ZFP64: variants seen among roughly 807,000 people sequenced by gnomAD.
ZFP64 encodes ZFP64 zinc finger protein, also known as zinc finger protein 64.
A neutral mutation model predicts 51.6 loss-of-function variants in ZFP64; 14 were observed. That is an observed-to-expected ratio of 0.27 (90% CI 0.18 to 0.42). The LOEUF is 0.42. Ranked by LOEUF, ZFP64 falls within the 10% of genes least tolerant of loss-of-function variation. ZFP64 has a pLI of 1.00. For missense variants in ZFP64, 754 were observed against 906.8 expected, an observed-to-expected ratio of 0.83 and a Z score of 2.16; for synonymous variants, 375 against 361.4, an observed-to-expected ratio of 1.04 and a Z score of -0.43.
intron 5 of ZFP64, among the ~76,000 whole-genome samples, chr20:52,120,248 G>A (rs555888681): frequency 1.5e-4 from 23 of 152,290 alleles, no homozygotes; most frequent in Non-Finnish European, 2.9e-4. Flanking sequence ...TTGTGTGTAA[G>A]CTACCCAGTC....
Position 52,151,919 on chromosome 20 carries a change from C to T in ZFP64, c.*227G>A. 9.1e-7 allele frequency: 1 copy of T among 1,099,988 alleles called. No individual in the cohort carries two copies. Among genetic ancestry groups the T allele is most frequent in the South Asian group, 1.7e-5 (1 of 57,970 alleles). The allele number at this position is 1,099,988 out of a possible 1,614,324, so 68.1% of individuals were successfully genotyped here. A position where few individuals can be genotyped will look rare whatever the true frequency, so the allele number is the denominator to read the frequency against. ...AGTCATGATGTCGTACACCTGTGGTCCCAGCTACTCGGAGGGCTGAGGCAT... is the reference window on the plus strand; with the variant it reads ...AGTCATGATGTCGTACACCTGTGGTTCCAGCTACTCGGAGGGCTGAGGCAT... On this transcript the variant is annotated 3_prime_UTR_variant, in exon 6 of 6. Transcript: ENST00000216923.
At chr20:52,125,892 T>G (rs1979425027) in intron 5 of ZFP64, among the ~76,000 whole-genome samples, 1 of 152,160 alleles carries the variant, frequency 6.6e-6, no homozygotes, top group African/African-American at 2.4e-5. Context: ...TTTTTTGTTT[T>G]TTTTTTTGAG....
rs1980789348 is a variant in ZFP64, at chr20:52,151,438, TG to T, written c.*707del. On this transcript the variant is annotated 3_prime_UTR_variant, in exon 6 of 6. Transcript: ENST00000216923. Reference sequence around the variant, plus strand: ...ATAAAACATGAACACCCCCAAACTCTGGGGAGTATTCCAGAATGGGGCAAAA... The same window carrying T: ...ATAAAACATGAACACCCCCAAACTCTGGGAGTATTCCAGAATGGGGCAAAA... 2.0e-6 allele frequency: 2 copies of T among 985,254 alleles called. No homozygotes were observed. Among genetic ancestry groups the T allele is most frequent in the East Asian group, 1.1e-4 (1 of 8,816 alleles). 61.0% of individuals were successfully genotyped at this position (985,254 alleles called of 1,614,324 possible). A position where few individuals can be genotyped will look rare whatever the true frequency, so the allele number is the denominator to read the frequency against.
intron 5 of ZFP64, among the ~76,000 whole-genome samples, chr20:52,142,017 T>C (rs1292183039): frequency 6.6e-6 from 1 of 152,074 alleles, no homozygotes; most frequent in Non-Finnish European, 1.5e-5. Context: ...GGGCATACAG[T>C]GTGGAATAGT....
intron 5 of ZFP64, among the ~76,000 whole-genome samples, chr20:52,101,009 C>G (rs1474893843): frequency 6.6e-6 from 1 of 152,140 alleles, no homozygotes; most frequent in African/African-American, 2.4e-5. Context: ...CATTCTACCA[C>G]CAAAGGACAC....
Position 52,160,512 on chromosome 20 carries a change from G to A in ZFP64, c.512-138C>T. 1 of 1,164,346 alleles carries A rather than the reference G, an allele frequency of 8.6e-7. No homozygotes were observed. Among genetic ancestry groups the A allele is most frequent in the East Asian group, 2.6e-5 (1 of 38,878 alleles). The allele number at this position is 1,164,346 out of a possible 1,614,324, so 72.1% of individuals were successfully genotyped here. ...AAAAACCCTAAAACACTGGGTGGAT[G>A]ATTGGCAAAGAGCTAACATCTTGGG... On this transcript the variant is annotated intron_variant, in intron 4 of 5. Transcript: ENST00000216923. This position sits in a 1 kb window ranked among gnomAD's most constrained non-coding sequence, Gnocchi z 4.2.
intron 5 of ZFP64, among the ~76,000 whole-genome samples, chr20:52,136,641 T>A (rs1236517822): frequency 6.6e-6 from 1 of 152,168 alleles, no homozygotes; most frequent in Non-Finnish European, 1.5e-5. Context: ...ATAAAGAATA[T>A]ATAAGCTAAC....
intron 8 of ZFP64, among the ~76,000 whole-genome samples, chr20:52,086,447 C>T (rs2078864840): frequency 6.6e-6 from 1 of 151,516 alleles, no homozygotes; most frequent in African/African-American, 2.4e-5. Context: ...AGAAGTCATC[C>T]ACTCTCATAA....
chr20:52,088,168 G>C (rs1473890825), intron 8 of ZFP64: 1 of 651,652 alleles, frequency 1.5e-6, no homozygotes. Flanking sequence ...CTCCCAGCTG[G>C]ATTCTATATA....
At chr20:52,105,072 C>G in intron 5 of ZFP64, 2 of 1,403,424 alleles carry the variant, frequency 1.4e-6, no homozygotes, top group Non-Finnish European at 1.8e-6. Flanking sequence ...CGCGCGGGTC[C>G]GGAGAACCTC....
intron 5 of ZFP64, among the ~76,000 whole-genome samples, chr20:52,126,878 T>A (rs1044127404): frequency 2.6e-5 from 4 of 151,720 alleles, no homozygotes; most frequent in African/African-American, 4.8e-5. Flanking sequence ...GGGTGGGGAC[T>A]CTTATGGGTA....
intron 8 of ZFP64, chr20:52,088,121 A>T (rs983822948): frequency 2.2e-5 from 11 of 511,324 alleles, no homozygotes; most frequent in African/African-American, 2.1e-4. Context: ...GACTTGAGAT[A>T]CATCATTGGC....
At chr20:52,164,625 C>T in intron 4 of ZFP64, 70 bp downstream of exon 4, 5 of 1,312,314 alleles carry the variant, frequency 3.8e-6, no homozygotes, top group Non-Finnish European at 5.5e-6. Context: ...TTCGTCTGAC[C>T]TATGTGGATC....
intron 7 of ZFP64, among the ~76,000 whole-genome samples, chr20:52,096,063 A>C (rs1049285802): frequency 2.0e-5 from 3 of 152,234 alleles, no homozygotes; most frequent in African/African-American, 7.2e-5. Context: ...CACTGTCCCC[A>C]GGCAAAAGTG....
intron 2 of ZFP64, among the ~76,000 whole-genome samples, chr20:52,175,058 T>A (rs758940760): frequency 2.0e-5 from 3 of 152,204 alleles, no homozygotes; most frequent in Non-Finnish European, 4.4e-5. Flanking sequence ...TTTTTTCTAT[T>A]GGAATTTTAA....
intron 5 of ZFP64, among the ~76,000 whole-genome samples, chr20:52,145,969 A>G (rs2122929035): frequency 6.6e-6 from 1 of 152,302 alleles, no homozygotes; most frequent in East Asian, 1.9e-4. Context: ...TTGTAATAAC[A>G]CTCAGCTTAA....
intron 2 of ZFP64, among the ~76,000 whole-genome samples, chr20:52,183,544 T>A (rs530711236): frequency 6.6e-6 from 1 of 152,302 alleles, no homozygotes; most frequent in African/African-American, 2.4e-5. Flanking sequence ...GCAACTTTGC[T>A]TGGTCCTGGT....
chr20:52,138,406 A>G (rs1250267324), intron 5 of ZFP64, among the ~76,000 whole-genome samples: 1 of 152,158 alleles, frequency 6.6e-6, no homozygotes, highest in Non-Finnish European at 1.5e-5. Context: ...GAATTGTCCT[A>G]TCAAAGACAA....
At chr20:52,169,861 C>T (rs893214774) in intron 2 of ZFP64, among the ~76,000 whole-genome samples, 11 of 151,990 alleles carry the variant, frequency 7.2e-5, no homozygotes, top group African/African-American at 2.7e-4. Context: ...TGAGACCAGC[C>T]TGACTAACAT....
Sources: allele counts gnomAD v4.1 joint callset (sites outside exome capture counted in the v4.1 genomes callset), GRCh38; gene constraint gnomAD v4.1.1; non-coding constraint Gnocchi (gnomAD v3.1); transcripts MANE v1.5; gene names NCBI Gene and HGNC (gene_info 2026-07-23, HGNC 2026-07-21).